PCDH15: variants seen among roughly 807,000 people sequenced by gnomAD.
PCDH15 encodes protocadherin-15.
Under a neutral mutation model 178.5 loss-of-function variants are expected in PCDH15, and 129 were observed. The ratio of observed to expected loss-of-function variants is 0.72; its 90% CI spans 0.63 to 0.84. The LOEUF is 0.84. Among genes scored for constraint, PCDH15 ranks in the 40% least tolerant of loss-of-function variants. PCDH15 has a pLI of 0.00. For missense variants in PCDH15, 2,230 were observed against 2,099.9 expected (o/e 1.06, Z -1.21); for synonymous variants, 800 against 732.0 (o/e 1.09, Z -1.50).
intron 2 of PCDH15, among the ~76,000 whole-genome samples, chr10:55,481,072 T>A (rs976593969): frequency 1.3e-5 from 2 of 151,832 alleles, no homozygotes; most frequent in Non-Finnish European, 2.9e-5. Flanking sequence ...TAGGTGTGTG[T>A]ATGTGTACAG....
At position 54,306,627 on chromosome 10, in the gene PCDH15, A is replaced by G. The variant is rs2060487807; in HGVS notation, c.876+10644T>C. On this transcript the variant is annotated intron_variant, in intron 8 of 37. Coordinates refer to ENST00000644397, the MANE Select transcript of PCDH15 (RefSeq NM_001384140.1). ...ATATCATCTGAAAGCATACCTTCAC[A>G]TCAATATCTAGATATATTTGACAGA... 2.6e-5 allele frequency among the ~76,000 whole-genome samples: 4 copies of G among 152,086 alleles called. No individual in the cohort carries two copies. In the South Asian group the frequency reaches 8.3e-4, roughly 31 times the overall value.
intron 2 of PCDH15, among the ~76,000 whole-genome samples, chr10:54,907,370 C>T (rs1368366817): frequency 6.6e-6 from 1 of 152,134 alleles, no homozygotes; most frequent in Non-Finnish European, 1.5e-5. Context: ...AATCAGAAAA[C>T]AACCCTTCCT....
chr10:54,575,364 A>T (rs2090356342), intron 2 of PCDH15: 1 of 153,388 alleles, frequency 6.5e-6, no homozygotes, highest in Non-Finnish European at 1.5e-5. Context: ...TTAATAAACC[A>T]GATAAAATCT....
intron 1 of PCDH15, among the ~76,000 whole-genome samples, chr10:55,272,730 A>C (rs1429235665): frequency 6.6e-6 from 1 of 152,068 alleles, no homozygotes; most frequent in Non-Finnish European, 1.5e-5. Flanking sequence ...TAAGAATTAG[A>C]AGGCAAGATG....
At chr10:54,284,341 C>A (rs1469635799) in intron 8 of PCDH15, among the ~76,000 whole-genome samples, 1 of 152,020 alleles carries the variant, frequency 6.6e-6, no homozygotes, top group Non-Finnish European at 1.5e-5. Flanking sequence ...ATTGTTTTAC[C>A]AAATAGCAAA....
intron 18 of PCDH15, among the ~76,000 whole-genome samples, chr10:54,049,373 T>C (rs1002515406): frequency 2.0e-5 from 3 of 152,304 alleles, no homozygotes; most frequent in African/African-American, 7.2e-5. Flanking sequence ...TTTCTTTGCC[T>C]GATTTCTCTA....
intron 1 of PCDH15, among the ~76,000 whole-genome samples, chr10:54,720,974 G>A (rs191899703): frequency 6.6e-6 from 1 of 152,046 alleles, no homozygotes; most frequent in East Asian, 1.9e-4. Flanking sequence ...CTCCTAAACC[G>A]ACCATATGCT....
intron 2 of PCDH15, among the ~76,000 whole-genome samples, chr10:55,403,831 A>G (rs1161979985): frequency 1.3e-5 from 2 of 152,006 alleles, no homozygotes; most frequent in African/African-American, 2.4e-5. Flanking sequence ...TTAAATTTAC[A>G]GGCTATAAAC....
At chr10:55,293,823 T>C (rs779965056) in intron 1 of PCDH15, among the ~76,000 whole-genome samples, 3 of 152,192 alleles carry the variant, frequency 2.0e-5, no homozygotes, top group Non-Finnish European at 4.4e-5. Flanking sequence ...TCTAGGAAGT[T>C]CCAAACTTTC....
chr10:55,187,658 A>T (rs974645223), intron 1 of PCDH15, among the ~76,000 whole-genome samples: 2 of 152,048 alleles, frequency 1.3e-5, no homozygotes, highest in African/African-American at 4.8e-5. Context: ...CTGAGGCCAA[A>T]GCTGGCTCAT....
intron 1 of PCDH15, among the ~76,000 whole-genome samples, chr10:54,691,058 G>T (rs188313748): frequency 2.4e-4 from 37 of 151,950 alleles, no homozygotes; most frequent in Admixed American, 2.2e-3. Context: ...AACAAAAGAG[G>T]AAAATATGTT....
intron 8 of PCDH15, among the ~76,000 whole-genome samples, chr10:54,313,972 C>A (rs1471732638): frequency 6.6e-6 from 1 of 152,082 alleles, no homozygotes; most frequent in Non-Finnish European, 1.5e-5. Flanking sequence ...AGTCATCAGA[C>A]TGACTCATTG....
intron 2 of PCDH15, among the ~76,000 whole-genome samples, chr10:55,056,578 T>C (rs372567510): frequency 3.5e-4 from 52 of 150,254 alleles, no homozygotes; most frequent in African/African-American, 1.1e-3. Flanking sequence ...CTTCATTGTT[T>C]TTAATCACTA....
intron 2 of PCDH15, among the ~76,000 whole-genome samples, chr10:54,586,464 G>C (rs1565671119): frequency 6.6e-6 from 1 of 152,036 alleles, no homozygotes; most frequent in Non-Finnish European, 1.5e-5. Context: ...TAAAGTACTT[G>C]GTCGATATGT....
rs2050901897 is a variant in PCDH15 at position 54,207,339 on chromosome 10, G to A, written c.1098+6597C>T. Reference sequence around the variant, plus strand: ...AATAAAAACACACGGTGTTCTTTCTGAAGAAACACAAATACTGTTTTGTTT... The same window carrying A: ...AATAAAAACACACGGTGTTCTTTCTAAAGAAACACAAATACTGTTTTGTTT... On this transcript the variant is annotated intron_variant, in intron 10 of 37. Transcript: ENST00000644397. Among the ~76,000 whole-genome samples, 3 of 151,046 alleles carry A rather than the reference G, an allele frequency of 2.0e-5. No homozygotes were observed. The South Asian group carries it at 6.3e-4, about 32-fold the overall frequency.
At position 55,317,664 on chromosome 10, in the gene PCDH15, GGTT is replaced by G. The variant is rs1843760644; in HGVS notation, c.-156+1932_-156+1934del. Among the ~76,000 whole-genome samples the G allele has an allele frequency of 2.0e-5, 3 of 151,636 alleles. No homozygotes were observed. The South Asian group carries it at 6.2e-4, about 31-fold the overall frequency. On this transcript the variant is annotated intron_variant, in intron 1 of 5. Transcript: ENST00000458638. ...TCTCATACTATAGTCACCCAGAAAAGGTTGTTAAAATACAGCAATAAGAAATAT... is the reference window on the plus strand; with the variant it reads ...TCTCATACTATAGTCACCCAGAAAAGGTTAAAATACAGCAATAAGAAATAT...
intron 2 of PCDH15, among the ~76,000 whole-genome samples, chr10:55,479,579 A>G (rs1018268089): frequency 6.6e-6 from 1 of 151,680 alleles, no homozygotes; most frequent in East Asian, 1.9e-4. Context: ...AGGAAATGTT[A>G]AAAGTTTTAC....
intron 2 of PCDH15, among the ~76,000 whole-genome samples, chr10:54,989,111 T>A (rs1054540085): frequency 8.5e-5 from 13 of 152,186 alleles, no homozygotes; most frequent in Admixed American, 8.5e-4. Context: ...AGCTTCCCTG[T>A]GGTGTTGTGC....
chr10:54,100,671 C>CA (rs545285786), intron 15 of PCDH15, among the ~76,000 whole-genome samples: 28 of 151,230 alleles, frequency 1.9e-4, no homozygotes, highest in Middle Eastern at 3.4e-3. Flanking sequence ...AGAATTCAGG[C>CA]AAAAAAAATC....
Sources: gnomAD v4.1 joint callset for allele counts (sites outside exome capture counted in the v4.1 genomes callset) on GRCh38, gnomAD v4.1.1 for gene constraint, MANE v1.5 for transcripts, NCBI Gene and HGNC (gene_info 2026-07-23, HGNC 2026-07-21) for gene names.